The following ATF1 variants were observed in gnomAD, a reference collection of about 807,000 sequenced individuals.
The protein encoded by ATF1 is activating transcription factor 1.
In ATF1, 16 loss-of-function variants were observed where a neutral mutation model predicts 34.7. The ratio of observed to expected loss-of-function variants is 0.46; its 90% CI spans 0.31 to 0.70. The LOEUF (loss-of-function observed/expected upper bound fraction) is 0.70, where lower values mean the gene tolerates loss of function less well. Among genes scored for constraint, ATF1 ranks in the 30% least tolerant of loss-of-function variants. The pLI is 0.05. For missense variants in ATF1, 255 were observed against 321.6 expected (o/e 0.79, Z 1.58); for synonymous variants, 105 against 113.1 (o/e 0.93, Z 0.46).
At chr12:50,796,936 G>A (rs1403891343) in intron 3 of ATF1, among the ~76,000 whole-genome samples, 5 of 152,126 alleles carry the variant, frequency 3.3e-5, no homozygotes, top group Admixed American at 6.6e-5. Context: ...ACGTGTCTGT[G>A]TAGCAAAGGA....
rs1272305251 is a variant in ATF1, at chr12:50,814,391, A to G, written c.623A>G (p.Lys208Arg). ...GTGACTCTCACCTCTCAGACAACTA[A>G]GACAGATGACCCCCAATTGAAAAGA... ...SPVTLTSQTTKTDDPQLKREI... is the reference protein window; with the variant it reads ...SPVTLTSQTTRTDDPQLKREI... The change falls in exon 6 of 7, where the codon AAG (lysine) becomes AGG (arginine). Residue 208 changes from lysine to arginine, a missense_variant. Around this residue, in one of 2 missense-constraint regions of ATF1, gnomAD observed 221 missense variants for 250.7 expected, o/e 0.88. Coordinates refer to ENST00000262053, the MANE Select transcript of ATF1 (RefSeq NM_005171.5). 6.2e-7 allele frequency: 1 copy of G among 1,614,082 alleles called. No individual in the cohort carries two copies. The highest frequency in any genetic ancestry group is 8.5e-7 in the Non-Finnish European group (1 of 1,180,028).
At chr12:50,767,090 C>A (rs552122786) in intron 1 of ATF1, among the ~76,000 whole-genome samples, 12 of 152,186 alleles carry the variant, frequency 7.9e-5, no homozygotes, top group African/African-American at 2.6e-4. Context: ...AATGATGCTG[C>A]AAGCTTGAAC....
At chr12:50,774,073 C>T (rs1038369058) in intron 1 of ATF1, among the ~76,000 whole-genome samples, 1 of 151,768 alleles carries the variant, frequency 6.6e-6, no homozygotes, top group Non-Finnish European at 1.5e-5. Flanking sequence ...CTCTTGTTGC[C>T]CAGGCTGGAG....
At chr12:50,793,829 CCT>C (rs1284757022) in intron 2 of ATF1, among the ~76,000 whole-genome samples, 2 of 151,720 alleles carry the variant, frequency 1.3e-5, no homozygotes, top group African/African-American at 2.4e-5. Flanking sequence ...ATAAAAGAAG[CCT>C]CTCTGGAAAT....
At chr12:50,769,969 A>G (rs1940732834) in intron 1 of ATF1, among the ~76,000 whole-genome samples, 1 of 152,256 alleles carries the variant, frequency 6.6e-6, no homozygotes, top group African/African-American at 2.4e-5. Context: ...CAACTGAACC[A>G]ATAGAAAACT....
intron 2 of ATF1, among the ~76,000 whole-genome samples, chr12:50,789,332 GT>G (rs1270421330): frequency 6.6e-6 from 1 of 152,080 alleles, no homozygotes; most frequent in Non-Finnish European, 1.5e-5. Flanking sequence ...GCCTCCCAAA[GT>G]GATTACAGGT....
At chr12:50,777,920 C>T (rs1338179276) in intron 1 of ATF1, among the ~76,000 whole-genome samples, 1 of 148,680 alleles carries the variant, frequency 6.7e-6, no homozygotes, top group East Asian at 2.0e-4. Context: ...AATATACGTA[C>T]CGTGGAATTT....
chr12:50,820,504 T>C lies in ATF1; in HGVS notation c.*725T>C, dbSNP rs1941929503. 3 of 180,884 alleles carry C rather than the reference T, an allele frequency of 1.7e-5. No individual in the cohort carries two copies. The South Asian group carries it at 5.9e-4, about 36-fold the overall frequency. The allele number at this position is 180,884 out of a possible 1,614,324, so 11.2% of individuals were successfully genotyped here. Reference sequence around the variant, plus strand: ...TAGTTGGTTTTTTTGCTTACTCTGGTAATGATTTTCTACAAATACATAATA... The same window carrying C: ...TAGTTGGTTTTTTTGCTTACTCTGGCAATGATTTTCTACAAATACATAATA... On this transcript the variant is annotated 3_prime_UTR_variant, in exon 7 of 7. Transcript: ENST00000262053.
intron 2 of ATF1, among the ~76,000 whole-genome samples, chr12:50,795,154 C>G (rs1171478215): frequency 6.6e-6 from 1 of 152,152 alleles, no homozygotes; most frequent in Non-Finnish European, 1.5e-5. Context: ...CTTGCTAAAT[C>G]GAATGGTCTG....
intron 2 of ATF1, among the ~76,000 whole-genome samples, chr12:50,792,544 G>A (rs956736135): frequency 6.6e-6 from 1 of 152,154 alleles, no homozygotes; most frequent in East Asian, 1.9e-4. Context: ...TGAAGACTTA[G>A]TGGTCGAGAG....
intron 1 of ATF1, among the ~76,000 whole-genome samples, chr12:50,774,606 C>G (rs1389956435): frequency 6.6e-6 from 1 of 151,964 alleles, no homozygotes; most frequent in Non-Finnish European, 1.5e-5. Context: ...TAATCTTAAC[C>G]TTAATTTTAG....
intron 3 of ATF1, among the ~76,000 whole-genome samples, chr12:50,804,180 A>C (rs1216530707): frequency 1.3e-5 from 2 of 152,214 alleles, no homozygotes; most frequent in African/African-American, 4.8e-5. Flanking sequence ...AAAATTATAT[A>C]GCTAGTCTAA....
At chr12:50,792,113 G>A (rs1439682867) in intron 2 of ATF1, among the ~76,000 whole-genome samples, 4 of 152,058 alleles carry the variant, frequency 2.6e-5, no homozygotes, top group Non-Finnish European at 5.9e-5. Flanking sequence ...ATACCCTCAG[G>A]TAATTGTTAA....
chr12:50,774,007 G>A (rs889663724), intron 1 of ATF1, among the ~76,000 whole-genome samples: 1 of 152,180 alleles, frequency 6.6e-6, no homozygotes, highest in Non-Finnish European at 1.5e-5. Context: ...AACATATAAT[G>A]TTTCTTTCTT....
intron 1 of ATF1, among the ~76,000 whole-genome samples, chr12:50,768,979 G>C (rs1023522898): frequency 1.3e-5 from 2 of 152,106 alleles, no homozygotes; most frequent in African/African-American, 4.8e-5. Context: ...ACTTCTGCCT[G>C]GTGTGTCCTA....
At chr12:50,811,186 A>C (rs1941729214) in intron 4 of ATF1, among the ~76,000 whole-genome samples, 1 of 152,168 alleles carries the variant, frequency 6.6e-6, no homozygotes, top group Admixed American at 6.5e-5. Context: ...TCACCTCCAC[A>C]AAGAGACCAC....
rs1464052541 is a variant in ATF1 at position 50,780,257 on chromosome 12, A to G, written c.93+19A>G. On this transcript the variant is annotated intron_variant, in intron 2 of 6. Coordinates refer to ENST00000262053, the MANE Select transcript of ATF1 (RefSeq NM_005171.5). ...TCAACAGGTAAGGGAGGGACTGGCC[A>G]AAATACTGAGCTTGTTAGGAATATT... 1 of 1,539,206 alleles carries G rather than the reference A, an allele frequency of 6.5e-7. No individual in the cohort carries two copies. The highest frequency in any genetic ancestry group is 1.7e-5 in the Admixed American group (1 of 58,924).
intron 2 of ATF1, among the ~76,000 whole-genome samples, chr12:50,793,422 G>A (rs1941345144): frequency 6.6e-6 from 1 of 151,950 alleles, no homozygotes; most frequent in African/African-American, 2.4e-5. Context: ...TCAGGAGTTC[G>A]AGACCAGCCT....
At chr12:50,816,507 C>T (rs1023063865) in intron 6 of ATF1, among the ~76,000 whole-genome samples, 1 of 152,048 alleles carries the variant, frequency 6.6e-6, no homozygotes, top group African/African-American at 2.4e-5. Flanking sequence ...TGATGGACAC[C>T]CTGAATCCCC....
Sources: gnomAD v4.1 joint callset for allele counts (sites outside exome capture counted in the v4.1 genomes callset) on GRCh38, gnomAD v4.1.1 for gene constraint, gnomAD v4.1.1 regional missense constraint, MANE v1.5 for transcripts, NCBI Gene and HGNC (gene_info 2026-07-23, HGNC 2026-07-21) for gene names.